BACH1: variants seen among roughly 807,000 people sequenced by gnomAD.
The protein encoded by BACH1 is BTB domain and CNC homolog 1, also known as transcription regulator protein BACH1.
In BACH1, 35 loss-of-function variants were observed where a neutral mutation model predicts 52.9. That is an observed-to-expected ratio of 0.66 (90% CI 0.51 to 0.88). The LOEUF (loss-of-function observed/expected upper bound fraction) is 0.88, where lower values mean the gene tolerates loss of function less well. Ranked by LOEUF, BACH1 falls within the 40% of genes least tolerant of loss-of-function variation. The pLI is 0.00. For missense variants in BACH1, 808 were observed against 872.6 expected, an observed-to-expected ratio of 0.93 and a Z score of 0.93; for synonymous variants, 321 against 319.6, an observed-to-expected ratio of 1.00 and a Z score of -0.05.
At chr21:29,300,636 A>G (rs1371155124) in intron 1 of BACH1, among the ~76,000 whole-genome samples, 2 of 152,202 alleles carry the variant, frequency 1.3e-5, no homozygotes, top group African/African-American at 4.8e-5. Flanking sequence ...AAAATATTGT[A>G]ACAAAAATAT....
intron 1 of BACH1, among the ~76,000 whole-genome samples, chr21:29,303,444 T>C (rs534727758): frequency 1.6e-4 from 25 of 152,376 alleles, no homozygotes; most frequent in African/African-American, 5.0e-4. Context: ...TGGTATGATA[T>C]GCGTTCATTC....
intron 2 of BACH1, among the ~76,000 whole-genome samples, chr21:29,356,343 A>G (rs2089234569): frequency 6.6e-6 from 1 of 152,234 alleles, no homozygotes; most frequent in Admixed American, 6.5e-5. Flanking sequence ...GCTATTAATA[A>G]AACCTCATTC....
chr21:29,343,516 G>C lies in BACH1; in HGVS notation c.*683G>C, dbSNP rs1446271041. The C allele has an allele frequency of 6.6e-6, 1 of 152,266 alleles. No homozygotes were observed. The highest frequency in any genetic ancestry group is 2.4e-5 in the African/African-American group (1 of 41,448). The allele number at this position is 152,266 out of a possible 1,614,324, so 9.4% of individuals were successfully genotyped here. ...TCTAGAAAGTCTGGCTACATGAATA[G>C]ATTTAAGTGTCACTTTCCCTCCCTG... is the stretch of plus-strand genomic sequence containing the variant. On this transcript the variant is annotated 3_prime_UTR_variant, in exon 5 of 5. Coordinates refer to ENST00000286800, the MANE Select transcript of BACH1 (RefSeq NM_001186.4).
At chr21:29,307,181 G>T (rs1353104111) in intron 1 of BACH1, among the ~76,000 whole-genome samples, 2 of 152,156 alleles carry the variant, frequency 1.3e-5, no homozygotes, top group African/African-American at 4.8e-5. Context: ...TGAATCAGGA[G>T]TACAAACAGG....
At chr21:29,333,575 C>CT (rs2089009383) in intron 4 of BACH1, among the ~76,000 whole-genome samples, 1 of 152,126 alleles carries the variant, frequency 6.6e-6, no homozygotes, top group African/African-American at 2.4e-5. Flanking sequence ...TTGCTCAGGT[C>CT]TAAAAATATT....
At chr21:29,311,652 A>G (rs1338059851) in intron 1 of BACH1, among the ~76,000 whole-genome samples, 7 of 152,252 alleles carry the variant, frequency 4.6e-5, no homozygotes, top group African/African-American at 9.6e-5. Context: ...ATCCCCCCAC[A>G]TGTATTTGTA....
At chr21:29,336,078 C>CT (rs886606855) in intron 4 of BACH1, among the ~76,000 whole-genome samples, 9 of 152,028 alleles carry the variant, frequency 5.9e-5, no homozygotes, top group Admixed American at 2.0e-4. Flanking sequence ...TTCATAGATG[C>CT]TTTTTTTTCA....
At chr21:29,348,816 C>G (rs2089185949), downstream of BACH1, among the ~76,000 whole-genome samples, 1 of 152,078 alleles carries the variant, frequency 6.6e-6, no homozygotes, top group Admixed American at 6.5e-5. Context: ...TCTTTACGGC[C>G]CGGCAGGGTG....
At chr21:29,348,950 C>T (rs935036211), downstream of BACH1, among the ~76,000 whole-genome samples, 21 of 152,078 alleles carry the variant, frequency 1.4e-4, no homozygotes, top group African/African-American at 4.8e-4. Flanking sequence ...AAAAATTAGC[C>T]GGGCGTGGTG....
Position 29,342,508 on chromosome 21 carries a change from C to G in BACH1, c.1886C>G (p.Ala629Gly). Residue 629 changes from alanine (A) to glycine (G), a missense_variant, in exon 5 of 5, where the codon GCT becomes GGT. Ala to Gly is a moderately conservative substitution (Grantham distance 60, BLOSUM62 0). Coordinates refer to ENST00000286800, the MANE Select transcript of BACH1 (RefSeq NM_001186.4). Reference sequence around the variant, plus strand: ...TGCCAGAAAGTTTGTAAAGAAGCAGCTCTGAGTCAAGAACAAATACAGATA... The same window carrying G: ...TGCCAGAAAGTTTGTAAAGAAGCAGGTCTGAGTCAAGAACAAATACAGATA... Reference protein sequence around the residue: ...GLCQKVCKEAALSQEQIQILA... With the variant: ...GLCQKVCKEAGLSQEQIQILA... 6.2e-7 allele frequency: 1 copy of G among 1,614,244 alleles called. No homozygotes were observed.
chr21:29,325,984 TCTTCTA>T, intron 2 of BACH1, 69 bp from the exon 3 acceptor site: 5 of 1,391,700 alleles, frequency 3.6e-6, no homozygotes, highest in Non-Finnish European at 3.9e-6. Flanking sequence ...TCTCTATTCC[TCTTCTA>T]CTTATTTTGT....
At chr21:29,353,548 T>G (rs1304201921) in intron 2 of BACH1, among the ~76,000 whole-genome samples, 1 of 152,172 alleles carries the variant, frequency 6.6e-6, no homozygotes, top group Non-Finnish European at 1.5e-5. Context: ...GAGAAGGAAC[T>G]GGCCAAGAAG....
intron 1 of BACH1, 132 bp from the exon 2 acceptor site, chr21:29,321,089 C>A: frequency 1.7e-6 from 1 of 577,976 alleles, no homozygotes; most frequent in South Asian, 2.3e-5. Flanking sequence ...TGAATAAATG[C>A]CTCTAGGTTG....
intron 1 of BACH1, 55 bp from the exon 2 acceptor site, chr21:29,321,166 C>CT (rs1275064610): frequency 1.1e-6 from 1 of 920,000 alleles, no homozygotes; most frequent in Non-Finnish European, 1.7e-6. Flanking sequence ...GTATTTGACA[C>CT]TGTCATTTTT....
chr21:29,360,849 A>T (rs2089267004), intron 2 of BACH1, among the ~76,000 whole-genome samples: 1 of 151,010 alleles, frequency 6.6e-6, no homozygotes, highest in Non-Finnish European at 1.5e-5. Flanking sequence ...CTGTCTCAAA[A>T]AAAAAAAAAA....
Position 29,326,812 on chromosome 21 carries a change from G to A in BACH1, c.988G>A (p.Asp330Asn). 1 of 1,614,064 alleles carries A rather than the reference G, an allele frequency of 6.2e-7. No homozygotes were observed. The highest frequency in any genetic ancestry group is 2.2e-5 in the East Asian group (1 of 44,892). Residue 330 changes from aspartate to asparagine, a missense_variant, in exon 3 of 5, where the codon GAC (aspartate) becomes AAC (asparagine). Asp to Asn is a conservative substitution (Grantham distance 23, BLOSUM62 1). Transcript: ENST00000286800. ...LYSLSLLHTY[D>N]QYGDLNFAGM... The stretch of plus-strand genomic sequence containing the variant: ...TTCTTTGTCTCTTTTACACACATAT[G>A]ACCAATATGGTGACTTGAATTTTGC...
In BACH1 at chr21:29,310,223, A is replaced by G. The variant is rs573618838; in HGVS notation, c.-60-10998A>G. The stretch of plus-strand genomic sequence containing the variant: ...GCAATCTTTGGGAGATTTCACGACA[A>G]TCAAAATAATTGTGAACTATCTTTT... On this transcript the variant is annotated intron_variant, in intron 1 of 4. Transcript: ENST00000286800. Among the ~76,000 whole-genome samples the G allele has an allele frequency of 4.6e-5, 7 of 152,378 alleles. No homozygotes were observed. In the South Asian group the frequency reaches 1.2e-3, roughly 27 times the overall value.
chr21:29,353,001 C>T (rs1342218785), intron 2 of BACH1, among the ~76,000 whole-genome samples: 1 of 152,116 alleles, frequency 6.6e-6, no homozygotes, highest in Non-Finnish European at 1.5e-5. Flanking sequence ...GCATGAGCCA[C>T]TGTGTCCAGC....
intron 2 of BACH1, among the ~76,000 whole-genome samples, chr21:29,323,068 AT>A (rs1413357282): frequency 2.0e-4 from 30 of 152,216 alleles, no homozygotes; most frequent in Admixed American, 2.0e-3. Flanking sequence ...GAAGTGTTTC[AT>A]TATAGTGACA....
Sources: allele counts gnomAD v4.1 joint callset (sites outside exome capture counted in the v4.1 genomes callset), GRCh38; gene constraint gnomAD v4.1.1; transcripts MANE v1.5; gene names NCBI Gene and HGNC (gene_info 2026-07-23, HGNC 2026-07-21).